GABRG2: variants seen among roughly 807,000 people sequenced by gnomAD.
The protein encoded by GABRG2 is gamma-aminobutyric acid receptor subunit gamma-2.
In GABRG2, 16 loss-of-function variants were observed where a neutral mutation model predicts 56.4. That is an observed-to-expected ratio of 0.28 (90% CI 0.19 to 0.43). GABRG2 has a LOEUF of 0.43. Among genes scored for constraint, GABRG2 ranks in the 20% least tolerant of loss-of-function variants. The pLI is 1.00. For synonymous variants in GABRG2, 208 were observed against 205.5 expected (o/e 1.01, Z -0.10); for missense variants, 327 against 582.7 (o/e 0.56, Z 4.52).
intron 1 of GABRG2, among the ~76,000 whole-genome samples, chr5:162,078,316 C>CA (rs1190159959): frequency 7.1e-6 from 1 of 141,204 alleles, no homozygotes; most frequent in Non-Finnish European, 1.5e-5. Context: ...TCCCTTTAAA[C>CA]ACTGGGTTTA....
At chr5:162,141,524 T>G (rs990761160) in intron 6 of GABRG2, among the ~76,000 whole-genome samples, 4 of 152,188 alleles carry the variant, frequency 2.6e-5, no homozygotes, top group Non-Finnish European at 4.4e-5. Context: ...TGGGAACTGT[T>G]TGTAGACTCA....
intron 5 of GABRG2, 59 bp downstream of exon 5, chr5:162,101,376 A>G (rs1203160293): frequency 9.9e-6 from 11 of 1,114,260 alleles, no homozygotes; most frequent in African/African-American, 1.6e-5. Context: ...TCTGATTGCC[A>G]TGTTAATTAA....
intron 6 of GABRG2, among the ~76,000 whole-genome samples, chr5:162,116,109 CAT>C (rs34902091): frequency 0.11 from 13,917 of 125,438 alleles, 988 homozygotes; most frequent in East Asian, 0.37. Context: ...GGTGTGCGTG[CAT>C]GTGTGTGTGT....
Position 162,153,713 on chromosome 5 carries a change from T to C in GABRG2, c.*345T>C, listed in dbSNP as rs1561662587. The C allele has an allele frequency of 5.6e-6, 2 of 358,344 alleles. No homozygotes were observed. The highest frequency in any genetic ancestry group is 1.1e-5 in the Non-Finnish European group (2 of 190,160). The allele number at this position is 358,344 out of a possible 1,614,324, so 22.2% of individuals were successfully genotyped here. A position where few individuals can be genotyped will look rare whatever the true frequency, so the allele number is the denominator to read the frequency against. Reference sequence around the variant, plus strand: ...ATCCTTACTAGATTCATAATGCAATTAGATAGAAAAGGTCCAAAACTGTAC... The same window carrying C: ...ATCCTTACTAGATTCATAATGCAATCAGATAGAAAAGGTCCAAAACTGTAC... On this transcript the variant is annotated 3_prime_UTR_variant, in exon 10 of 10. Coordinates refer to ENST00000639213, the MANE Select transcript of GABRG2 (RefSeq NM_198904.4).
intron 6 of GABRG2, among the ~76,000 whole-genome samples, chr5:162,114,373 G>A (rs1204219915): frequency 2.6e-5 from 4 of 151,960 alleles, no homozygotes; most frequent in African/African-American, 9.7e-5. Flanking sequence ...ATATGAGATA[G>A]CATATGTATC....
chr5:162,070,353 A>G (rs943673984), intron 1 of GABRG2, among the ~76,000 whole-genome samples: 1 of 152,076 alleles, frequency 6.6e-6, no homozygotes, highest in Non-Finnish European at 1.5e-5. Flanking sequence ...AAAAAAAGTC[A>G]TTTGAATTGT....
chr5:162,102,594 G>A (rs1337610010), intron 5 of GABRG2: 1 of 452,384 alleles, frequency 2.2e-6, no homozygotes, highest in South Asian at 1.6e-5. Flanking sequence ...GCAGTGGTGT[G>A]ATCTCGGCTC....
intron 6 of GABRG2, among the ~76,000 whole-genome samples, chr5:162,114,579 G>T (rs1420036739): frequency 6.6e-6 from 1 of 151,794 alleles, no homozygotes; most frequent in Non-Finnish European, 1.5e-5. Context: ...GGGCAAAGAG[G>T]ATTTTTCTAT....
At chr5:162,092,159 A>T (rs1234985047) in intron 1 of GABRG2, among the ~76,000 whole-genome samples, 1 of 152,110 alleles carries the variant, frequency 6.6e-6, no homozygotes, top group Non-Finnish European at 1.5e-5. Flanking sequence ...TGATGAATTG[A>T]AGCCCAAGAG....
intron 6 of GABRG2, among the ~76,000 whole-genome samples, chr5:162,124,442 C>A (rs368298507): frequency 6.6e-6 from 1 of 151,814 alleles, no homozygotes; most frequent in African/African-American, 2.4e-5. Context: ...CAGAATTACT[C>A]ACCCCTAGAA....
intron 9 of GABRG2, 153 bp from the exon 10 acceptor site, chr5:162,152,939 AG>A: frequency 1.1e-6 from 1 of 893,552 alleles, no homozygotes; most frequent in South Asian, 1.5e-5. Context: ...TATCTTTCTA[AG>A]TTCAATTTTA....
chr5:162,070,657 C>T (rs1362290966), intron 1 of GABRG2, among the ~76,000 whole-genome samples: 2 of 151,868 alleles, frequency 1.3e-5, no homozygotes, highest in African/African-American at 4.8e-5. Context: ...AATAAAGCAT[C>T]GTAGTGAGAA....
chr5:162,103,523 T>C (rs113494826), intron 5 of GABRG2: 63 of 223,706 alleles, frequency 2.8e-4, no homozygotes, highest in African/African-American at 1.3e-3. Flanking sequence ...GTTAACTGCC[T>C]TTCACTGTGA....
rs143642856 is a variant in GABRG2 at position 162,133,529 on chromosome 5, C to T, written c.770-8635C>T. Among the ~76,000 whole-genome samples, 872 of 152,146 alleles carry T rather than the reference C, an allele frequency of 5.7e-3. 5 individuals are homozygous for T. Among genetic ancestry groups the T allele is most frequent in the African/African-American group, 0.019 (784 of 41,508 alleles). On this transcript the variant is annotated intron_variant, in intron 6 of 9. Coordinates refer to ENST00000639213, the MANE Select transcript of GABRG2 (RefSeq NM_198904.4). ...TATACCAGGAAATTGCTGTCTCTTTCGATGGATCAAAGTAGCAAATGTATT... is the reference window on the plus strand; with the variant it reads ...TATACCAGGAAATTGCTGTCTCTTTTGATGGATCAAAGTAGCAAATGTATT...
intron 1 of GABRG2, among the ~76,000 whole-genome samples, chr5:162,084,766 G>A (rs756689335): frequency 5.3e-5 from 8 of 151,778 alleles, no homozygotes; most frequent in African/African-American, 9.7e-5. Flanking sequence ...AAATAATTAC[G>A]TCCTTCTCTT....
intron 2 of GABRG2, among the ~76,000 whole-genome samples, chr5:162,095,240 T>C (rs944432611): frequency 1.3e-5 from 2 of 152,188 alleles, no homozygotes; most frequent in Admixed American, 1.3e-4. Flanking sequence ...TTTATTCATT[T>C]TTATGTTAGT....
intron 1 of GABRG2, among the ~76,000 whole-genome samples, chr5:162,086,971 C>A (rs1056581513): frequency 6.6e-6 from 1 of 151,924 alleles, no homozygotes; most frequent in Non-Finnish European, 1.5e-5. Context: ...GATTAAATTT[C>A]TGGGTTATAG....
At chr5:162,079,107 A>C (rs1456798736) in intron 1 of GABRG2, among the ~76,000 whole-genome samples, 1 of 152,018 alleles carries the variant, frequency 6.6e-6, no homozygotes, top group Non-Finnish European at 1.5e-5. Flanking sequence ...CAAAATATCT[A>C]TTACAGTTGA....
intron 1 of GABRG2, among the ~76,000 whole-genome samples, chr5:162,072,894 T>G (rs1248959510): frequency 1.3e-5 from 2 of 152,030 alleles, no homozygotes; most frequent in African/African-American, 4.8e-5. Flanking sequence ...ATGATGTTTA[T>G]ATATGTGTAT....
Sources: allele counts gnomAD v4.1 joint callset (sites outside exome capture counted in the v4.1 genomes callset), GRCh38; gene constraint gnomAD v4.1.1; transcripts MANE v1.5; gene names NCBI Gene and HGNC (gene_info 2026-07-23, HGNC 2026-07-21).